The following ADAM23 variants were observed in gnomAD, a reference collection of about 807,000 sequenced individuals.
ADAM23 encodes the protein disintegrin and metalloproteinase domain-containing protein 23.
ADAM23 carries 33 observed loss-of-function variants against 120.1 expected under a neutral mutation model. The ratio of observed to expected loss-of-function variants is 0.27; its 90% confidence interval spans 0.21 to 0.37. ADAM23 has a LOEUF of 0.37. ADAM23 is among the 10% of genes least tolerant of loss of function. The probability of loss-of-function intolerance (pLI) is 1.00; values close to 1 mark genes in which losing one functional copy is unlikely to be tolerated. For missense variants in ADAM23, 862 were observed against 1,058.2 expected (o/e 0.81, Z 2.57); for synonymous variants, 367 against 375.2 (o/e 0.98, Z 0.25).
At chr2:206,497,841 C>T (rs1696290905) in intron 3 of ADAM23, among the ~76,000 whole-genome samples, 1 of 152,126 alleles carries the variant, frequency 6.6e-6, no homozygotes, top group African/African-American at 2.4e-5. Context: ...AAATCACAAG[C>T]ATTCTTATAC....
intron 18 of ADAM23, among the ~76,000 whole-genome samples, chr2:206,583,492 C>T (rs1698261938): frequency 6.8e-6 from 1 of 148,092 alleles, no homozygotes; most frequent in East Asian, 1.9e-4. Flanking sequence ...TCCTCAGGTA[C>T]ACCAATTATT....
intron 15 of ADAM23, 61 bp from the exon 16 acceptor site, chr2:206,570,679 G>C (rs1237606322): frequency 7.4e-7 from 1 of 1,343,968 alleles, no homozygotes; most frequent in Non-Finnish European, 1.1e-6. Context: ...TGGCCCAGTT[G>C]ATGTGCTGAT....
intron 9 of ADAM23, among the ~76,000 whole-genome samples, chr2:206,554,680 G>A (rs1697605647): frequency 6.6e-6 from 1 of 152,100 alleles, no homozygotes. Flanking sequence ...TCAACCTAGA[G>A]ACTAGAAGGA....
chr2:206,610,028 A>C (rs1258976363), intron 25 of ADAM23, 28 bp downstream of exon 25: 1 of 1,521,356 alleles, frequency 6.6e-7, no homozygotes, highest in East Asian at 2.6e-5. Context: ...TCTTCTTCTC[A>C]GTGGCTCTGG....
At chr2:206,567,406 GT>G in intron 15 of ADAM23, 84 bp downstream of exon 15, 1 of 1,077,582 alleles carries the variant, frequency 9.3e-7, no homozygotes, top group South Asian at 1.7e-5. Flanking sequence ...TCAGACGCCT[GT>G]CTTGGAAAGC....
At chr2:206,478,832 T>C (rs933809121) in intron 2 of ADAM23, among the ~76,000 whole-genome samples, 1 of 152,238 alleles carries the variant, frequency 6.6e-6, no homozygotes. Flanking sequence ...TGAGTGTCTT[T>C]TCTTTCTCTG....
chr2:206,444,119 CG>C, intron 1 of ADAM23, 39 bp downstream of exon 1: 2 of 1,249,054 alleles, frequency 1.6e-6, no homozygotes, highest in Non-Finnish European at 2.0e-6. Flanking sequence ...GGCTTTCCCG[CG>C]GGGCCCTGCA....
chr2:206,586,042 A>G (rs550428242), intron 18 of ADAM23, among the ~76,000 whole-genome samples: 19 of 152,308 alleles, frequency 1.2e-4, no homozygotes, highest in African/African-American at 4.6e-4. Context: ...GCCGAAATCC[A>G]GAGCGACAAC....
chr2:206,445,941 T>G (rs1695074446), intron 2 of ADAM23, among the ~76,000 whole-genome samples: 1 of 152,236 alleles, frequency 6.6e-6, no homozygotes, highest in African/African-American at 2.4e-5. Flanking sequence ...AGAAGCTATT[T>G]GGCTGCAGTG....
At chr2:206,547,378 A>C in intron 6 of ADAM23, 51 bp from the exon 7 acceptor site, 2 of 1,456,676 alleles carry the variant, frequency 1.4e-6, no homozygotes, top group Non-Finnish European at 1.9e-6. Flanking sequence ...TGTTTCATAG[A>C]GGCTTGTTCA....
chr2:206,538,969 G>A (rs1269596851), intron 4 of ADAM23, among the ~76,000 whole-genome samples: 1 of 152,002 alleles, frequency 6.6e-6, no homozygotes, highest in Non-Finnish European at 1.5e-5. Context: ...TTCCCTACAA[G>A]TTGTAATCAC....
chr2:206,483,088 G>C (rs1049136414), intron 3 of ADAM23, among the ~76,000 whole-genome samples: 1 of 152,194 alleles, frequency 6.6e-6, no homozygotes, highest in African/African-American at 2.4e-5. Flanking sequence ...GAAAAATCAA[G>C]TCAGGGGAAT....
chr2:206,601,778 A>T (rs1246607396), intron 24 of ADAM23, among the ~76,000 whole-genome samples: 2 of 152,002 alleles, frequency 1.3e-5, no homozygotes, highest in Admixed American at 1.3e-4. Flanking sequence ...TTCTCAAAAA[A>T]AAAAAAAAAA....
intron 2 of ADAM23, among the ~76,000 whole-genome samples, chr2:206,472,150 C>T (rs1372062758): frequency 1.3e-5 from 2 of 152,164 alleles, no homozygotes; most frequent in East Asian, 1.9e-4. Flanking sequence ...TTAGTTTGAC[C>T]TCCCCCATAC....
intron 10 of ADAM23, among the ~76,000 whole-genome samples, chr2:206,557,751 C>G (rs1441800460): frequency 6.6e-6 from 1 of 152,112 alleles, no homozygotes; most frequent in Non-Finnish European, 1.5e-5. Context: ...TGCCCCCAGT[C>G]TGTGGAGGAC....
chr2:206,508,915 G>A (rs1326373256), intron 3 of ADAM23, among the ~76,000 whole-genome samples: 1 of 152,112 alleles, frequency 6.6e-6, no homozygotes, highest in Non-Finnish European at 1.5e-5. Flanking sequence ...TTCTCTCTGA[G>A]ATCGCTGGCA....
At position 206,486,042 on chromosome 2, in the gene ADAM23, C is replaced by A. The variant is rs560873110; in HGVS notation, c.509+4734C>A. On this transcript the variant is annotated intron_variant, in intron 3 of 25. Coordinates refer to ENST00000264377, the MANE Select transcript of ADAM23 (RefSeq NM_003812.4). Reference sequence around the variant, plus strand: ...TGCAGGGCAGGGGATAGTGGGAGAACGAGGAGACGAGATCAGAGAGGAAGC... The same window carrying A: ...TGCAGGGCAGGGGATAGTGGGAGAAAGAGGAGACGAGATCAGAGAGGAAGC... Among the ~76,000 whole-genome samples the A allele has an allele frequency of 1.1e-4, 17 of 152,124 alleles. No homozygotes were observed. The South Asian group carries it at 3.5e-3, about 32-fold the overall frequency.
intron 15 of ADAM23, among the ~76,000 whole-genome samples, chr2:206,569,088 G>T (rs769279851): frequency 5.3e-5 from 8 of 152,204 alleles, no homozygotes; most frequent in African/African-American, 1.2e-4. Flanking sequence ...ATGAACTAAT[G>T]TGAGCTGCTG....
chr2:206,493,021 T>C (rs899561583), intron 3 of ADAM23, among the ~76,000 whole-genome samples: 5 of 152,230 alleles, frequency 3.3e-5, no homozygotes, highest in Non-Finnish European at 1.5e-5. Flanking sequence ...TAAATTTTCC[T>C]CTTGGTTCTC....
Sources: allele counts gnomAD v4.1 joint callset (sites outside exome capture counted in the v4.1 genomes callset), GRCh38; gene constraint gnomAD v4.1.1; transcripts MANE v1.5; gene names NCBI Gene and HGNC (gene_info 2026-07-23, HGNC 2026-07-21).